Variants in ERCC6 observed in about 807,000 individuals in gnomAD.
ERCC6 encodes the protein DNA excision repair protein ERCC-6.
In ERCC6, 116 loss-of-function variants were observed where a neutral mutation model predicts 158.7. The ratio of observed to expected loss-of-function variants is 0.73; its 90% CI spans 0.63 to 0.85. ERCC6 has a LOEUF of 0.85. Among genes scored for constraint, ERCC6 ranks in the 40% least tolerant of loss-of-function variants. ERCC6 has a pLI of 0.00. For synonymous variants in ERCC6, 678 were observed against 659.3 expected, an observed-to-expected ratio of 1.03 and a Z score of -0.43; for missense variants, 1,698 against 1,799.4, an observed-to-expected ratio of 0.94 and a Z score of 1.02.
At chr10:49,516,441 A>G in intron 5 of ERCC6, 2 of 1,614,226 alleles carry the variant, frequency 1.2e-6, no homozygotes, top group Non-Finnish European at 8.5e-7. Context: ...ATTAGAAAAT[A>G]TAGTTTCAAA....
intron 12 of ERCC6, 37 bp from the exon 13 acceptor site, chr10:49,474,279 C>A (rs774828577): frequency 6.5e-7 from 1 of 1,537,046 alleles, no homozygotes; most frequent in East Asian, 2.2e-5. Flanking sequence ...CTCAGATGAC[C>A]CCATGTAAAG....
intron 3 of ERCC6, 152 bp downstream of exon 3, chr10:49,530,568 T>C (rs1278080610): frequency 8.1e-7 from 1 of 1,239,138 alleles, no homozygotes; most frequent in Non-Finnish European, 1.1e-6. Context: ...AGCAGAAAGA[T>C]TAAACATACA....
At chr10:49,453,232 T>C (rs930752291), downstream of ERCC6, among the ~76,000 whole-genome samples, 88 of 151,858 alleles carry the variant, frequency 5.8e-4, 1 homozygote, top group Middle Eastern at 3.4e-3. Flanking sequence ...GTGTTTACCA[T>C]ATACATCTTA....
the ERCC6 span, among the ~76,000 whole-genome samples, chr10:49,442,122 A>C: frequency 6.6e-6 from 1 of 152,228 alleles, no homozygotes; most frequent in Non-Finnish European, 1.5e-5. Context: ...CAGAACTGCA[A>C]ATGTCCAACA....
intron 18 of ERCC6, among the ~76,000 whole-genome samples, chr10:49,464,902 A>T (rs1850647081): frequency 6.6e-6 from 1 of 152,228 alleles, no homozygotes; most frequent in Non-Finnish European, 1.5e-5. Flanking sequence ...GTTCTCATGG[A>T]GAATCTCTCC....
chr10:49,451,179 T>G (rs113427973), downstream of ERCC6, among the ~76,000 whole-genome samples: 64 of 143,812 alleles, frequency 4.5e-4, no homozygotes, highest in African/African-American at 1.7e-3. Context: ...TTTCAATAGT[T>G]TTTTTTTTTT....
chr10:49,445,568 A>T, the ERCC6 span, among the ~76,000 whole-genome samples: 1 of 152,232 alleles, frequency 6.6e-6, no homozygotes, highest in Non-Finnish European at 1.5e-5. Context: ...AGCTCTTTAG[A>T]CCAACATGAC....
In ERCC6 at chr10:49,461,424, C is replaced by T; in HGVS notation, c.3911G>A (p.Cys1304Tyr). The change falls in exon 19 of 21, where the codon TGT (cysteine) becomes TAT (tyrosine). Residue 1304 changes from cysteine to tyrosine, a missense_variant. Transcript: ENST00000355832. ...LKALRLSRQR[C>Y]LGAVSGVPTW... ...GGGAACACCAGACACTGCTCCCAGA[C>T]ACCGCTGACGAGAGAGCCTCAGTGC... 6.2e-7 allele frequency: 1 copy of T among 1,614,208 alleles called. No homozygotes were observed.
the ERCC6 span, among the ~76,000 whole-genome samples, chr10:49,435,163 A>T: frequency 6.6e-6 from 1 of 152,368 alleles, no homozygotes; most frequent in African/African-American, 2.4e-5. Flanking sequence ...AGATATTTTT[A>T]AAATCCAGAA....
intron 5 of ERCC6, chr10:49,516,748 G>A (rs1343880224): frequency 6.2e-7 from 1 of 1,614,004 alleles, no homozygotes; most frequent in African/African-American, 1.3e-5. Flanking sequence ...CCTGCTACGG[G>A]TTGTACAGTT....
chr10:49,491,066 C>T (rs1477204624), intron 8 of ERCC6, among the ~76,000 whole-genome samples: 2 of 152,238 alleles, frequency 1.3e-5, no homozygotes, highest in Non-Finnish European at 1.5e-5. Context: ...CACAGAAGAT[C>T]GAAGGTGCAG....
At chr10:49,538,678 C>T (rs1837661630) in intron 1 of ERCC6, among the ~76,000 whole-genome samples, 1 of 152,218 alleles carries the variant, frequency 6.6e-6, no homozygotes, top group East Asian at 1.9e-4. Context: ...ACCCAGCTGA[C>T]CCTGCGCGCA....
In ERCC6 at chr10:49,455,738, T is replaced by C. The variant is rs1850473995; in HGVS notation, c.*3077A>G. 6.6e-6 allele frequency: 1 copy of C among 152,062 alleles called. No individual in the cohort carries two copies. The highest frequency in any genetic ancestry group is 6.5e-5 in the Admixed American group (1 of 15,274). The allele number at this position is 152,062 out of a possible 1,614,324, so 9.4% of individuals were successfully genotyped here. ...AGGCCAACATAACACTAATAGGCAA[T>C]GTACGGTAGAGATCTACAAATGGCC... On this transcript the variant is annotated 3_prime_UTR_variant, in exon 21 of 21. Transcript: ENST00000355832.
chr10:49,498,452 A>C (rs960209795), intron 7 of ERCC6, among the ~76,000 whole-genome samples: 1 of 152,170 alleles, frequency 6.6e-6, no homozygotes. Flanking sequence ...ATGTGTTATA[A>C]AGTTGTTAGG....
Position 49,465,175 on chromosome 10 carries a change from G to A in ERCC6, c.3779-3619C>T, listed in dbSNP as rs376275128. ...ATAGGAACCCACCTCTTGCATCAGC[G>A]TGACCTGGATGCGAGACAAGGAGTC... On this transcript the variant is annotated intron_variant, in intron 18 of 20. Coordinates refer to ENST00000355832, the MANE Select transcript of ERCC6 (RefSeq NM_000124.4). 3.9e-5 allele frequency among the ~76,000 whole-genome samples: 6 copies of A among 152,232 alleles called. No individual in the cohort carries two copies. In the South Asian group the frequency reaches 1.0e-3, roughly 26 times the overall value.
intron 5 of ERCC6, chr10:49,517,217 G>A: frequency 2.7e-6 from 4 of 1,456,680 alleles, no homozygotes; most frequent in Non-Finnish European, 3.7e-6. Flanking sequence ...CATAACTAAT[G>A]CAATAATAAT....
intron 1 of ERCC6, among the ~76,000 whole-genome samples, chr10:49,538,679 C>A (rs1837661691): frequency 6.6e-6 from 1 of 152,210 alleles, no homozygotes; most frequent in African/African-American, 2.4e-5. Flanking sequence ...CCCAGCTGAC[C>A]CTGCGCGCAG....
rs754788016 is a variant in ERCC6 at position 49,500,548 on chromosome 10, AACC to A, written c.1672_1674del (p.Gly558del). On this transcript the variant is annotated inframe_deletion, in exon 7 of 21. Coordinates refer to ENST00000355832, the MANE Select transcript of ERCC6 (RefSeq NM_000124.4). ...CAGAGGAGCACTTGCCTGTAATTTG[AACC>A]ACGAGTCCTGATCTTGCTGTAGCTC... 6.2e-7 allele frequency: 1 copy of A among 1,613,908 alleles called. No individual in the cohort carries two copies. Among genetic ancestry groups the A allele is most frequent in the Admixed American group, 1.7e-5 (1 of 60,018 alleles).
At chr10:49,473,263 C>T (rs745425336) in intron 14 of ERCC6, among the ~76,000 whole-genome samples, 43 of 152,066 alleles carry the variant, frequency 2.8e-4, no homozygotes. Context: ...CTGTAGAAAA[C>T]GCATTCTTTG....
Sources: allele counts gnomAD v4.1 joint callset (sites outside exome capture counted in the v4.1 genomes callset), GRCh38; gene constraint gnomAD v4.1.1; transcripts MANE v1.5; gene names NCBI Gene and HGNC (gene_info 2026-07-23, HGNC 2026-07-21).